Variants in RBFOX1 observed in about 807,000 individuals in gnomAD.
RBFOX1 encodes the protein RNA binding protein fox-1 homolog 1.
A neutral mutation model predicts 57.7 loss-of-function variants in RBFOX1; 8 were observed. The ratio of observed to expected loss-of-function variants is 0.14; its 90% CI spans 0.08 to 0.25. The LOEUF (loss-of-function observed/expected upper bound fraction) is 0.25, where lower values mean the gene tolerates loss of function less well. Ranked by LOEUF, RBFOX1 falls within the 10% of genes least tolerant of loss-of-function variation. RBFOX1 has a pLI of 1.00. For synonymous variants in RBFOX1, 326 were observed against 222.4 expected (o/e 1.47, Z -4.15); for missense variants, 611 against 548.5 (o/e 1.11, Z -1.14).
At chr16:5,429,970 T>C (rs2067679245) in intron 1 of RBFOX1, among the ~76,000 whole-genome samples, 1 of 152,192 alleles carries the variant, frequency 6.6e-6, no homozygotes, top group Non-Finnish European at 1.5e-5. Context: ...ATTTTGCTTA[T>C]CACTGAAGGA....
chr16:5,856,529 A>ATGTGTGTGTGTG (rs1402419760), intron 3 of RBFOX1, among the ~76,000 whole-genome samples: 3 of 55,560 alleles, frequency 5.4e-5, no homozygotes, highest in African/African-American at 1.2e-4. Context: ...TCTCATTCAT[A>ATGTGTGTGTGTG]TATGTGTATG....
rs377375562 is a variant in RBFOX1, at chr16:7,073,375, C to A, written c.27+21277C>A. On this transcript the variant is annotated intron_variant, in intron 4 of 15. Transcript: ENST00000550418. The stretch of plus-strand genomic sequence containing the variant: ...ACAAATCCTAAGAAGATCTTCCCAA[C>A]AAAGCATGAAAATGAGCTTTACAGG... Among the ~76,000 whole-genome samples the A allele has an allele frequency of 7.2e-5, 11 of 152,246 alleles. 1 individual carries two copies. Among genetic ancestry groups the A allele is most frequent in the East Asian group, 5.8e-4 (3 of 5,176 alleles).
At chr16:5,620,722 A>G (rs1409345518) in intron 3 of RBFOX1, among the ~76,000 whole-genome samples, 1 of 152,184 alleles carries the variant, frequency 6.6e-6, no homozygotes, top group Non-Finnish European at 1.5e-5. Flanking sequence ...TCTGTCTCCC[A>G]GGCCAGAGAG....
intron 3 of RBFOX1, among the ~76,000 whole-genome samples, chr16:6,696,205 A>G (rs2160040): frequency 0.98 from 148,852 of 152,338 alleles, 72,792 homozygotes; most frequent in Middle Eastern, 1. Flanking sequence ...GATATAATAA[A>G]TATGCTTAAA....
chr16:6,329,980 G>A (rs1278627504), intron 2 of RBFOX1, among the ~76,000 whole-genome samples: 1 of 151,910 alleles, frequency 6.6e-6, no homozygotes, highest in Non-Finnish European at 1.5e-5. Flanking sequence ...AAACCACAAG[G>A]TGGATGAAGT....
chr16:5,241,553 G>A (rs898634329), intron 1 of RBFOX1, among the ~76,000 whole-genome samples: 2 of 152,188 alleles, frequency 1.3e-5, no homozygotes, highest in African/African-American at 4.8e-5. Flanking sequence ...TCCTGGTAAT[G>A]CCCCTCCTTA....
chr16:7,288,802 C>T (rs1408390156), intron 4 of RBFOX1, among the ~76,000 whole-genome samples: 1 of 152,218 alleles, frequency 6.6e-6, no homozygotes, highest in Non-Finnish European at 1.5e-5. Flanking sequence ...GAGGGCACCA[C>T]TGCACTCCAG....
intron 4 of RBFOX1, among the ~76,000 whole-genome samples, chr16:7,090,954 T>A (rs1250562261): frequency 1.3e-5 from 2 of 152,196 alleles, no homozygotes; most frequent in Non-Finnish European, 2.9e-5. Context: ...TTAGAGGTTC[T>A]TTGGAATACA....
chr16:7,186,261 T>TATAAAC (rs1485135321), intron 4 of RBFOX1, among the ~76,000 whole-genome samples: 2 of 71,690 alleles, frequency 2.8e-5, no homozygotes, highest in Non-Finnish European at 5.4e-5. Flanking sequence ...AACATATTTA[T>TATAAAC]ATAAACATAA....
intron 1 of RBFOX1, among the ~76,000 whole-genome samples, chr16:6,253,787 T>C (rs1253036708): frequency 1.3e-5 from 2 of 152,086 alleles, no homozygotes; most frequent in Admixed American, 1.3e-4. Flanking sequence ...TGTCTTTCTC[T>C]TTCTTCTGAG....
At chr16:6,761,714 C>G (rs1257070519) in intron 3 of RBFOX1, among the ~76,000 whole-genome samples, 1 of 151,672 alleles carries the variant, frequency 6.6e-6, no homozygotes, top group Non-Finnish European at 1.5e-5. Flanking sequence ...ACGAACTTGG[C>G]CAGGCTGGTC....
chr16:7,636,403 TG>T (rs2061762360), intron 11 of RBFOX1, among the ~76,000 whole-genome samples: 1 of 152,238 alleles, frequency 6.6e-6, no homozygotes, highest in African/African-American at 2.4e-5. Context: ...TACATCTTCC[TG>T]TTTGAGATTT....
intron 1 of RBFOX1, among the ~76,000 whole-genome samples, chr16:5,362,839 C>G (rs1206924512): frequency 6.6e-6 from 1 of 152,028 alleles, no homozygotes; most frequent in Non-Finnish European, 1.5e-5. Context: ...CATAATGTCT[C>G]CCCATATTGT....
At chr16:6,899,103 C>A (rs992106413) in intron 3 of RBFOX1, among the ~76,000 whole-genome samples, 2 of 150,250 alleles carry the variant, frequency 1.3e-5, no homozygotes, top group East Asian at 3.9e-4. Flanking sequence ...GTGTGTACAT[C>A]TGTGTATACG....
At chr16:7,707,132 G>C (rs1033716459) in intron 14 of RBFOX1, among the ~76,000 whole-genome samples, 3 of 152,190 alleles carry the variant, frequency 2.0e-5, no homozygotes, top group Non-Finnish European at 4.4e-5. Context: ...GAATCCTCTT[G>C]AAGCTGAAAG....
At chr16:6,787,124 C>G (rs577012133) in intron 3 of RBFOX1, among the ~76,000 whole-genome samples, 3 of 152,242 alleles carry the variant, frequency 2.0e-5, no homozygotes, top group South Asian at 2.1e-4. Context: ...ATTTCCTGCC[C>G]CAATTGAGTG....
chr16:5,330,070 T>C (rs910014545), intron 1 of RBFOX1, among the ~76,000 whole-genome samples: 5 of 151,948 alleles, frequency 3.3e-5, no homozygotes, highest in African/African-American at 1.2e-4. Context: ...ACCCGTGAAC[T>C]CTCTGAGGCT....
chr16:6,788,869 A>G (rs1028094915), intron 3 of RBFOX1, among the ~76,000 whole-genome samples: 1 of 152,100 alleles, frequency 6.6e-6, no homozygotes, highest in African/African-American at 2.4e-5. Context: ...CTTCTGAGAA[A>G]TACTGTCACT....
At chr16:7,020,179 G>A (rs1054208067) in intron 3 of RBFOX1, among the ~76,000 whole-genome samples, 5 of 152,014 alleles carry the variant, frequency 3.3e-5, no homozygotes, top group African/African-American at 1.2e-4. Flanking sequence ...ATACCTCTGT[G>A]TAAATCTAAA....
Sources: gnomAD v4.1 joint callset for allele counts (sites outside exome capture counted in the v4.1 genomes callset) on GRCh38, gnomAD v4.1.1 for gene constraint, MANE v1.5 for transcripts, NCBI Gene and HGNC (gene_info 2026-07-23, HGNC 2026-07-21) for gene names.